GAS2: variants seen among roughly 807,000 people sequenced by gnomAD.
GAS2 encodes the protein growth arrest-specific protein 2.
GAS2 carries 20 observed loss-of-function variants against 37.5 expected under a neutral mutation model. The observed-to-expected ratio is 0.53, with a 90% CI of 0.37 to 0.77. The LOEUF (loss-of-function observed/expected upper bound fraction) is 0.77, where lower values mean the gene tolerates loss of function less well. Ranked by LOEUF, GAS2 falls within the 30% of genes least tolerant of loss-of-function variation. The pLI is 0.00. For synonymous variants in GAS2, 144 were observed against 132.2 expected, an observed-to-expected ratio of 1.09 and a Z score of -0.61; for missense variants, 336 against 373.4, an observed-to-expected ratio of 0.90 and a Z score of 0.82.
At chr11:22,805,868 A>G (rs1856858870) in intron 7 of GAS2, among the ~76,000 whole-genome samples, 1 of 152,084 alleles carries the variant, frequency 6.6e-6, no homozygotes, top group Admixed American at 6.6e-5. Flanking sequence ...TGATGTTGCC[A>G]TGGCATCTGT....
chr11:22,736,430 T>C (rs1852759098), intron 4 of GAS2, among the ~76,000 whole-genome samples: 1 of 152,052 alleles, frequency 6.6e-6, no homozygotes, highest in Admixed American at 6.6e-5. Flanking sequence ...ATTAGAATTC[T>C]GGTAGGATTC....
At chr11:22,633,238 T>C (rs1590550312) in intron 1 of GAS2, among the ~76,000 whole-genome samples, 1 of 152,238 alleles carries the variant, frequency 6.6e-6, no homozygotes. Context: ...GTTTTTCAAT[T>C]TCTGTTTTTC....
intron 7 of GAS2, among the ~76,000 whole-genome samples, chr11:22,796,387 T>C (rs1856429988): frequency 6.6e-6 from 1 of 152,140 alleles, no homozygotes; most frequent in Non-Finnish European, 1.5e-5. Context: ...CTGTCACTCT[T>C]AGTTACAACT....
intron 7 of GAS2, among the ~76,000 whole-genome samples, chr11:22,780,320 C>A (rs1855491130): frequency 6.6e-6 from 1 of 151,996 alleles, no homozygotes; most frequent in Admixed American, 6.6e-5. Context: ...CATGGAGAAA[C>A]CCCGTCTCTA....
chr11:22,647,540 C>T (rs1265744590), intron 1 of GAS2, among the ~76,000 whole-genome samples: 3 of 152,176 alleles, frequency 2.0e-5, no homozygotes, highest in African/African-American at 7.2e-5. Flanking sequence ...GTCCCACCAA[C>T]AGTGTAAAAG....
intron 3 of GAS2, among the ~76,000 whole-genome samples, chr11:22,706,396 C>T (rs1280476257): frequency 6.6e-6 from 1 of 151,784 alleles, no homozygotes; most frequent in Non-Finnish European, 1.5e-5. Context: ...AGGTTAGTTA[C>T]ATATGTATAC....
intron 7 of GAS2, among the ~76,000 whole-genome samples, chr11:22,774,908 C>G (rs1425756525): frequency 6.6e-6 from 1 of 151,518 alleles, no homozygotes. Context: ...CAACCAGAAT[C>G]AGAAAGAAAG....
chr11:22,651,174 A>T (rs933908971), intron 1 of GAS2, among the ~76,000 whole-genome samples: 9 of 151,358 alleles, frequency 5.9e-5, no homozygotes, highest in Non-Finnish European at 1.0e-4. Context: ...TCCTTCACTT[A>T]TGAAGCTTAG....
chr11:22,698,548 C>T (rs4923017), intron 3 of GAS2, among the ~76,000 whole-genome samples: 2 of 149,948 alleles, frequency 1.3e-5, no homozygotes, highest in African/African-American at 2.5e-5. Flanking sequence ...ACACCAAAGC[C>T]AGGCAGAGAC....
intron 7 of GAS2, among the ~76,000 whole-genome samples, chr11:22,788,060 T>A (rs1016518333): frequency 5.9e-5 from 9 of 152,144 alleles, no homozygotes; most frequent in African/African-American, 2.2e-4. Context: ...TTCCTTAAGT[T>A]TGTATTTAAG....
intron 5 of GAS2, among the ~76,000 whole-genome samples, chr11:22,740,613 G>T (rs143634167): frequency 0.014 from 2,111 of 152,080 alleles, 57 homozygotes; most frequent in African/African-American, 0.048. Flanking sequence ...AAGTTTTTTT[G>T]ATTTTGTTGC....
chr11:22,637,260 T>TATA (rs56842831), intron 1 of GAS2, among the ~76,000 whole-genome samples: 2,222 of 3,946 alleles, frequency 0.56, 887 homozygotes, highest in East Asian at 0.7. Context: ...AGTATACTAA[T>TATA]ATATTAATTA....
chr11:22,776,673 T>A (rs913041039), intron 7 of GAS2, among the ~76,000 whole-genome samples: 22 of 152,348 alleles, frequency 1.4e-4, no homozygotes, highest in African/African-American at 4.6e-4. Context: ...AGGAACCATA[T>A]AGAACATGCT....
At chr11:22,716,628 A>G (rs962845815) in intron 3 of GAS2, among the ~76,000 whole-genome samples, 3 of 145,722 alleles carry the variant, frequency 2.1e-5, no homozygotes, top group African/African-American at 5.1e-5. Flanking sequence ...TAACACACAC[A>G]GTAAGTCTCT....
At chr11:22,693,424 A>G (rs1004461669) in intron 3 of GAS2, among the ~76,000 whole-genome samples, 2 of 152,140 alleles carry the variant, frequency 1.3e-5, no homozygotes, top group African/African-American at 2.4e-5. Context: ...AGTCATGTCA[A>G]TCTTTTTTTA....
chr11:22,712,508 C>T (rs1398822520), intron 3 of GAS2, among the ~76,000 whole-genome samples: 1 of 152,134 alleles, frequency 6.6e-6, no homozygotes, highest in Non-Finnish European at 1.5e-5. Context: ...GGGGAGAGCA[C>T]CACATCAAAG....
chr11:22,700,244 A>G (rs1159202475), intron 3 of GAS2, among the ~76,000 whole-genome samples: 1 of 152,214 alleles, frequency 6.6e-6, no homozygotes, highest in Non-Finnish European at 1.5e-5. Flanking sequence ...GTGTTGGATG[A>G]ATGAATAAAT....
intron 3 of GAS2, among the ~76,000 whole-genome samples, chr11:22,704,625 T>G (rs865961828): frequency 3.1e-5 from 2 of 63,914 alleles, no homozygotes; most frequent in African/African-American, 1.3e-4. Flanking sequence ...ATATATATAT[T>G]TTGCTCATCT....
chr11:22,726,494 A>T, intron 4 of GAS2, 61 bp downstream of exon 4: 1 of 1,476,472 alleles, frequency 6.8e-7, no homozygotes, highest in South Asian at 1.2e-5. Context: ...TGTCTTTGTC[A>T]GTATAGCCAT....
Sources: gnomAD v4.1 joint callset for allele counts (sites outside exome capture counted in the v4.1 genomes callset) on GRCh38, gnomAD v4.1.1 for gene constraint, MANE v1.5 for transcripts, NCBI Gene and HGNC (gene_info 2026-07-23, HGNC 2026-07-21) for gene names.